The following ZNF536 variants were observed in gnomAD, a reference collection of about 807,000 sequenced individuals.
ZNF536 encodes zinc finger protein 536.
A neutral mutation model predicts 84.5 loss-of-function variants in ZNF536; 13 were observed. The ratio of observed to expected loss-of-function variants is 0.15; its 90% CI spans 0.10 to 0.24. ZNF536 has a LOEUF of 0.24. Ranked by LOEUF, ZNF536 falls within the 10% of genes least tolerant of loss-of-function variation. The pLI is 1.00. For missense variants in ZNF536, 1,536 were observed against 1,747.5 expected, an observed-to-expected ratio of 0.88 and a Z score of 2.16; for synonymous variants, 811 against 742.5, an observed-to-expected ratio of 1.09 and a Z score of -1.50.
intron 2 of ZNF536, among the ~76,000 whole-genome samples, chr19:30,490,440 G>A (rs1168666883): frequency 1.3e-5 from 2 of 152,126 alleles, no homozygotes; most frequent in Non-Finnish European, 2.9e-5. Flanking sequence ...GAGAACACAG[G>A]GGTCTGAGGA....
intron 1 of ZNF536, among the ~76,000 whole-genome samples, chr19:30,678,087 A>G (rs2050821071): frequency 6.6e-6 from 1 of 152,206 alleles, no homozygotes; most frequent in African/African-American, 2.4e-5. Context: ...AGGATTTGGG[A>G]TGAGAAATTA....
At chr19:30,300,175 C>G (rs1193479796) in intron 2 of ZNF536, among the ~76,000 whole-genome samples, 1 of 152,122 alleles carries the variant, frequency 6.6e-6, no homozygotes, top group East Asian at 1.9e-4. Flanking sequence ...TTGCAGATGC[C>G]AAGAGCAGGC....
intron 1 of ZNF536, among the ~76,000 whole-genome samples, chr19:30,693,051 T>A (rs374439009): frequency 4.4e-4 from 67 of 151,162 alleles, no homozygotes; most frequent in South Asian, 1.9e-3. Context: ...AGAGAGAGAG[T>A]GTGTGTATAC....
At chr19:30,678,170 G>C (rs890677651) in intron 1 of ZNF536, among the ~76,000 whole-genome samples, 26 of 152,242 alleles carry the variant, frequency 1.7e-4, no homozygotes, top group African/African-American at 6.3e-4. Flanking sequence ...AGGGGGTGCT[G>C]TCTTCAGGGA....
chr19:30,305,564 C>T (rs2046317370), intron 2 of ZNF536, among the ~76,000 whole-genome samples: 1 of 152,198 alleles, frequency 6.6e-6, no homozygotes, highest in South Asian at 2.1e-4. Context: ...CAGCCCCCTT[C>T]ATCACTGAGA....
chr19:30,522,939 C>T (rs141475922), intron 2 of ZNF536, among the ~76,000 whole-genome samples: 3 of 152,262 alleles, frequency 2.0e-5, no homozygotes, highest in Non-Finnish European at 4.4e-5. Context: ...AACGACCTGC[C>T]GCTTCATCTG....
chr19:30,386,691 G>C (rs1283381578), intron 1 of ZNF536, among the ~76,000 whole-genome samples: 1 of 152,230 alleles, frequency 6.6e-6, no homozygotes, highest in Non-Finnish European at 1.5e-5. Flanking sequence ...TGTCTCTTCT[G>C]ACATGTAGTG....
At chr19:30,501,354 G>A (rs2054942733) in intron 2 of ZNF536, among the ~76,000 whole-genome samples, 1 of 152,186 alleles carries the variant, frequency 6.6e-6, no homozygotes, top group East Asian at 1.9e-4. Context: ...GGTGGATACT[G>A]GATTCAACCC....
rs1366551393 is a variant in ZNF536 at position 30,326,928 on chromosome 19, G to A, written c.-119-25440G>A. Reference sequence around the variant, plus strand: ...TTTGAGACCAGTCTGGGCAACATAGGGAGACACCATCTCTACAAAAAATTA... The same window carrying A: ...TTTGAGACCAGTCTGGGCAACATAGAGAGACACCATCTCTACAAAAAATTA... On this transcript the variant is annotated intron_variant, in intron 2 of 5. Coordinates refer to the ZNF536 transcript ENST00000585628. 3.4e-5 allele frequency among the ~76,000 whole-genome samples: 5 copies of A among 148,806 alleles called. No homozygotes were observed. The East Asian group carries it at 1.0e-3, about 30-fold the overall frequency.
intron 1 of ZNF536, among the ~76,000 whole-genome samples, chr19:30,419,669 C>G (rs1348406838): frequency 6.6e-6 from 1 of 152,182 alleles, no homozygotes; most frequent in East Asian, 1.9e-4. Context: ...AAGATGAGAG[C>G]TGAATGTGCA....
chr19:30,697,036 ATTGACTCATAGTTCTGC>A (rs1350264643), intron 1 of ZNF536, among the ~76,000 whole-genome samples: 3 of 152,184 alleles, frequency 2.0e-5, no homozygotes, highest in Non-Finnish European at 4.4e-5. Flanking sequence ...AAGAGGTCTA[ATTGACTCATAGTTCTGC>A]ATGGCTGAGG....
Position 30,573,224 on chromosome 19 carries a change from G to T in ZNF536, c.169+23710G>T, listed in dbSNP as rs1219806285. On this transcript the variant is annotated intron_variant, in intron 1 of 1. Transcript: ENST00000592773. ...TCGAGGGCCCTGTGTGGTCAACAGA[G>T]CTGGGACTTGGGGCTGTTTTTCCCA... is the stretch of plus-strand genomic sequence containing the variant. 3.9e-5 allele frequency among the ~76,000 whole-genome samples: 6 copies of T among 152,330 alleles called. No homozygotes were observed. In the South Asian group the frequency reaches 6.2e-4, roughly 16 times the overall value.
At chr19:30,324,120 G>A (rs2046945912) in intron 2 of ZNF536, among the ~76,000 whole-genome samples, 1 of 150,352 alleles carries the variant, frequency 6.7e-6, no homozygotes, top group African/African-American at 2.5e-5. Flanking sequence ...TCATCCATCT[G>A]TCCATCCATC....
intron 1 of ZNF536, among the ~76,000 whole-genome samples, chr19:30,699,544 T>C (rs1362561579): frequency 6.6e-6 from 1 of 152,232 alleles, no homozygotes; most frequent in African/African-American, 2.4e-5. Flanking sequence ...GAATATTTTT[T>C]TAAAACTGAA....
chr19:30,455,289 G>A (rs7249336), intron 2 of ZNF536, among the ~76,000 whole-genome samples: 2,520 of 152,014 alleles, frequency 0.017, 74 homozygotes, highest in African/African-American at 0.057. Context: ...CACTAAACTA[G>A]TAAATATTTT....
chr19:30,245,177 C>G (rs1407219290), intron 1 of ZNF536, among the ~76,000 whole-genome samples: 5 of 152,336 alleles, frequency 3.3e-5, no homozygotes, highest in Non-Finnish European at 7.3e-5. Flanking sequence ...CACCTTTTAC[C>G]TGGCTGCCCC....
At chr19:30,254,515 A>T (rs2024802278) in intron 1 of ZNF536, among the ~76,000 whole-genome samples, 1 of 149,792 alleles carries the variant, frequency 6.7e-6, no homozygotes, top group Non-Finnish European at 1.5e-5. Context: ...TGGGGTAGAG[A>T]ACCTTTGATT....
chr19:30,456,308 C>CTTT (rs11301441), intron 2 of ZNF536, among the ~76,000 whole-genome samples: 18 of 108,088 alleles, frequency 1.7e-4, no homozygotes, highest in South Asian at 3.0e-4. Context: ...TGTTTCTTTT[C>CTTT]TTTTTTTTTT....
intron 2 of ZNF536, among the ~76,000 whole-genome samples, chr19:30,504,348 TC>T (rs2145384170): frequency 7.2e-6 from 1 of 138,678 alleles, no homozygotes; most frequent in African/African-American, 2.7e-5. Flanking sequence ...CTTCCTTCCT[TC>T]CTACTTCCTT....
Sources: gnomAD v4.1 joint callset for allele counts (sites outside exome capture counted in the v4.1 genomes callset) on GRCh38, gnomAD v4.1.1 for gene constraint, MANE v1.5 for transcripts, NCBI Gene and HGNC (gene_info 2026-07-23, HGNC 2026-07-21) for gene names.